Variants in ANKS1B observed in about 807,000 individuals in gnomAD.
The protein encoded by ANKS1B is ankyrin repeat and sterile alpha motif domain containing 1B, also known as ankyrin repeat and sterile alpha motif domain-containing protein 1B.
In ANKS1B, 36 loss-of-function variants were observed where a neutral mutation model predicts 148.3. That is an observed-to-expected ratio of 0.24 (90% CI 0.19 to 0.32). ANKS1B has a LOEUF of 0.32. ANKS1B is among the 10% of genes least tolerant of loss of function. The probability of loss-of-function intolerance (pLI) is 1.00; values close to 1 mark genes in which losing one functional copy is unlikely to be tolerated. For missense variants in ANKS1B, 1,157 were observed against 1,542.6 expected (o/e 0.75, Z 4.19); for synonymous variants, 542 against 560.8 (o/e 0.97, Z 0.47).
intron 15 of ANKS1B, among the ~76,000 whole-genome samples, chr12:99,087,755 G>A (rs1207614367): frequency 6.6e-6 from 1 of 152,148 alleles, no homozygotes; most frequent in Non-Finnish European, 1.5e-5. Context: ...TAGAATAGAG[G>A]ACCTGGTTTT....
At chr12:99,212,508 T>A (rs1250431978) in intron 14 of ANKS1B, among the ~76,000 whole-genome samples, 1 of 152,178 alleles carries the variant, frequency 6.6e-6, no homozygotes, top group African/African-American at 2.4e-5. Context: ...TGTCACAGCA[T>A]TGCATTTTCT....
intron 9 of ANKS1B, among the ~76,000 whole-genome samples, chr12:99,593,508 C>T (rs2097725219): frequency 6.6e-6 from 1 of 152,066 alleles, no homozygotes; most frequent in Non-Finnish European, 1.5e-5. Flanking sequence ...ACAAATAATA[C>T]ACTATGGCAA....
intron 14 of ANKS1B, among the ~76,000 whole-genome samples, chr12:99,206,541 G>A (rs1287608446): frequency 2.6e-5 from 4 of 152,116 alleles, no homozygotes; most frequent in Non-Finnish European, 5.9e-5. Flanking sequence ...AAAGTTTAAT[G>A]ATTAATTGAT....
At chr12:99,824,189 T>C (rs1220987894) in intron 2 of ANKS1B, among the ~76,000 whole-genome samples, 2 of 152,146 alleles carry the variant, frequency 1.3e-5, no homozygotes, top group African/African-American at 4.8e-5. Context: ...ACTAGCACTT[T>C]TAAAGCAGTA....
chr12:99,518,196 C>T (rs1047140940), intron 9 of ANKS1B, among the ~76,000 whole-genome samples: 2 of 151,670 alleles, frequency 1.3e-5, no homozygotes, highest in African/African-American at 2.4e-5. Context: ...GGGTCTTTGT[C>T]TGGTTTTGGT....
chr12:99,209,698 GCA>G (rs1260026799), intron 14 of ANKS1B, among the ~76,000 whole-genome samples: 2 of 152,170 alleles, frequency 1.3e-5, no homozygotes, highest in African/African-American at 2.4e-5. Flanking sequence ...CAGAGCAGGA[GCA>G]TCACCATCTT....
At chr12:99,597,800 T>C (rs569921629) in intron 9 of ANKS1B, among the ~76,000 whole-genome samples, 2 of 152,120 alleles carry the variant, frequency 1.3e-5, no homozygotes, top group African/African-American at 4.8e-5. Flanking sequence ...TCAAGGCACA[T>C]GAAAGGATCT....
intron 17 of ANKS1B, among the ~76,000 whole-genome samples, chr12:99,012,356 G>C (rs1394115106): frequency 1.3e-5 from 2 of 152,126 alleles, no homozygotes; most frequent in Admixed American, 1.3e-4. Flanking sequence ...TTTCCCATTA[G>C]GCCACTCCAG....
chr12:98,770,616 G>GT (rs201643458), intron 25 of ANKS1B, among the ~76,000 whole-genome samples: 5,706 of 144,312 alleles, frequency 0.04, 257 homozygotes, highest in African/African-American at 0.11. Flanking sequence ...GGAAGGGTTT[G>GT]TTTTTTTTTT....
At chr12:98,775,228 T>A (rs1387870177) in intron 24 of ANKS1B, among the ~76,000 whole-genome samples, 1 of 152,168 alleles carries the variant, frequency 6.6e-6, no homozygotes, top group African/African-American at 2.4e-5. Flanking sequence ...TCAAGGTAGA[T>A]GCACTTCTTG....
chr12:98,930,989 T>A (rs1179431823), intron 17 of ANKS1B, among the ~76,000 whole-genome samples: 1 of 152,106 alleles, frequency 6.6e-6, no homozygotes, highest in Non-Finnish European at 1.5e-5. Context: ...AATTCATAAG[T>A]TACCATGCTG....
chr12:99,959,760 C>T (rs11110153), intron 1 of ANKS1B, among the ~76,000 whole-genome samples: 93,091 of 151,996 alleles, frequency 0.61, 30,065 homozygotes, highest in African/African-American at 0.75. Context: ...CACTGAACAG[C>T]GTCCAAATTC....
chr12:99,267,960 C>A (rs2076623802), intron 12 of ANKS1B, among the ~76,000 whole-genome samples: 1 of 152,192 alleles, frequency 6.6e-6, no homozygotes, highest in African/African-American at 2.4e-5. Flanking sequence ...AATAAGGTTG[C>A]AAAGGTAGGT....
intron 12 of ANKS1B, among the ~76,000 whole-genome samples, chr12:99,269,973 A>AT (rs1198476155): frequency 1.3e-5 from 2 of 152,216 alleles, no homozygotes; most frequent in African/African-American, 2.4e-5. Flanking sequence ...TCAGGTGAGA[A>AT]TTTTTGGCAT....
chr12:99,628,738 T>C (rs1323857217), intron 9 of ANKS1B, among the ~76,000 whole-genome samples: 7 of 152,108 alleles, frequency 4.6e-5, no homozygotes, highest in African/African-American at 1.7e-4. Flanking sequence ...CTTCTTGCTG[T>C]GTTATCCCAT....
intron 9 of ANKS1B, among the ~76,000 whole-genome samples, chr12:99,546,881 A>T (rs1157996679): frequency 6.6e-6 from 1 of 152,172 alleles, no homozygotes; most frequent in Non-Finnish European, 1.5e-5. Flanking sequence ...GCAGTGTAGC[A>T]GGTTGGGATA....
At chr12:99,691,579 G>C (rs975272573) in intron 8 of ANKS1B, among the ~76,000 whole-genome samples, 1 of 152,116 alleles carries the variant, frequency 6.6e-6, no homozygotes, top group African/African-American at 2.4e-5. Flanking sequence ...CTTTACTCTA[G>C]TTCTCAACAA....
intron 17 of ANKS1B, among the ~76,000 whole-genome samples, chr12:98,879,907 C>A (rs1257042339): frequency 6.6e-6 from 1 of 152,090 alleles, no homozygotes; most frequent in Non-Finnish European, 1.5e-5. Flanking sequence ...TTAAATATTA[C>A]CCTCACCATC....
intron 14 of ANKS1B, among the ~76,000 whole-genome samples, chr12:99,244,080 TA>T (rs1450227351): frequency 9.3e-6 from 1 of 107,980 alleles, no homozygotes; most frequent in Non-Finnish European, 1.7e-5. Flanking sequence ...AAAGTATTAT[TA>T]AAAAATTCTA....
Sources: gnomAD v4.1 joint callset for allele counts (sites outside exome capture counted in the v4.1 genomes callset) on GRCh38, gnomAD v4.1.1 for gene constraint, MANE v1.5 for transcripts, NCBI Gene and HGNC (gene_info 2026-07-23, HGNC 2026-07-21) for gene names.